The following ST6GALNAC5 variants were observed in gnomAD, a reference collection of about 807,000 sequenced individuals.
ST6GALNAC5 encodes the protein alpha-N-acetylgalactosaminide alpha-2,6-sialyltransferase 5.
In ST6GALNAC5, 27 loss-of-function variants were observed where a neutral mutation model predicts 33.6. The observed-to-expected ratio is 0.80, with a 90% CI of 0.59 to 1.11. The LOEUF is 1.11. ST6GALNAC5 is among the 50% of genes least tolerant of loss of function. The pLI, the probability that ST6GALNAC5 is intolerant of heterozygous loss-of-function variation, is 0.00. For missense variants in ST6GALNAC5, 428 were observed against 454.0 expected (o/e 0.94, Z 0.52); for synonymous variants, 194 against 171.2 (o/e 1.13, Z -1.04).
intron 3 of ST6GALNAC5, among the ~76,000 whole-genome samples, chr1:77,046,577 A>C (rs895926048): frequency 6.6e-6 from 1 of 152,186 alleles, no homozygotes; most frequent in East Asian, 1.9e-4. Context: ...GATTCTGATC[A>C]TCATCTCCAG....
intron 2 of ST6GALNAC5, among the ~76,000 whole-genome samples, chr1:76,967,561 G>C (rs1648549569): frequency 6.6e-6 from 1 of 151,970 alleles, no homozygotes; most frequent in South Asian, 2.1e-4. Flanking sequence ...TTTTTTGAAG[G>C]GTTTTTTGTG....
intron 2 of ST6GALNAC5, among the ~76,000 whole-genome samples, chr1:76,943,336 C>T (rs1320075379): frequency 1.3e-5 from 2 of 152,130 alleles, no homozygotes; most frequent in Non-Finnish European, 2.9e-5. Context: ...AGACTGCCAT[C>T]ACAGAATCAG....
At chr1:76,958,985 G>T (rs756021710) in intron 2 of ST6GALNAC5, among the ~76,000 whole-genome samples, 6 of 152,062 alleles carry the variant, frequency 3.9e-5, no homozygotes, top group Non-Finnish European at 8.8e-5. Context: ...CACTTGCTAG[G>T]CCTCACTGCC....
At position 76,868,614 on chromosome 1, in the gene ST6GALNAC5, C is replaced by G. The variant is rs555949467; in HGVS notation, c.133C>G (p.Gln45Glu). The G allele has an allele frequency of 3.2e-4, 516 of 1,611,646 alleles. 5 individuals are homozygous for G. The South Asian group carries it at 5.5e-3, about 17-fold the overall frequency. The change falls in exon 2 of 5, where the codon CAA becomes GAA. Residue 45 changes from glutamine (Q) to glutamate (E), a missense_variant. By Grantham distance (29) the Gln-to-Glu change is conservative. Coordinates refer to ENST00000477717, the MANE Select transcript of ST6GALNAC5 (RefSeq NM_030965.3). This position sits in a 1 kb window ranked among gnomAD's most constrained non-coding sequence, Gnocchi z 4.3. ...CCCGCAGCAGCAGCAGCAGCAGCAG[C>G]AACAGCAGCAGCAGGCGTCGGCCAC... ...RPPQQQQQQQQQQQQASATGS... is the reference protein window; with the variant it reads ...RPPQQQQQQQEQQQQASATGS...
chr1:77,013,249 C>T (rs1467909943), intron 2 of ST6GALNAC5, among the ~76,000 whole-genome samples: 1 of 151,966 alleles, frequency 6.6e-6, no homozygotes, highest in African/African-American at 2.4e-5. Context: ...AATATGAAGT[C>T]AGACTCTGTT....
At chr1:76,920,919 C>T (rs1647028676) in intron 2 of ST6GALNAC5, among the ~76,000 whole-genome samples, 1 of 152,042 alleles carries the variant, frequency 6.6e-6, no homozygotes, top group Non-Finnish European at 1.5e-5. Flanking sequence ...TAGTGTAAAC[C>T]ATCATTTAGT....
chr1:76,992,816 A>T (rs1479938193), intron 2 of ST6GALNAC5, among the ~76,000 whole-genome samples: 1 of 152,032 alleles, frequency 6.6e-6, no homozygotes, highest in Non-Finnish European at 1.5e-5. Context: ...AAAACTCACT[A>T]CTTCTGCCTT....
intron 2 of ST6GALNAC5, among the ~76,000 whole-genome samples, chr1:76,923,387 G>A (rs977392327): frequency 3.9e-5 from 6 of 152,040 alleles, no homozygotes; most frequent in African/African-American, 1.2e-4. Flanking sequence ...TTGTCAACTG[G>A]AGATGAGTAA....
Position 76,977,488 on chromosome 1 carries a change from C to T in ST6GALNAC5, c.262-66716C>T, listed in dbSNP as rs545734783. Reference sequence around the variant, plus strand: ...CGTGCTATCCCCTACACCTACCTTCCCCAGCCTCTGATAACCTCTACTCTC... The same window carrying T: ...CGTGCTATCCCCTACACCTACCTTCTCCAGCCTCTGATAACCTCTACTCTC... On this transcript the variant is annotated intron_variant, in intron 2 of 4. Transcript: ENST00000477717. 5.5e-4 allele frequency among the ~76,000 whole-genome samples: 83 copies of T among 152,230 alleles called. 1 individual carries two copies. The highest frequency in any genetic ancestry group is 1.0e-3 in the Non-Finnish European group (69 of 67,994).
At chr1:76,884,146 G>T (rs1653843093) in intron 2 of ST6GALNAC5, among the ~76,000 whole-genome samples, 2 of 152,252 alleles carry the variant, frequency 1.3e-5, no homozygotes, top group African/African-American at 2.4e-5. Flanking sequence ...ATGATGAAGA[G>T]ACCTCAGGTT....
intron 2 of ST6GALNAC5, among the ~76,000 whole-genome samples, chr1:76,961,040 C>T (rs1397791804): frequency 6.6e-6 from 1 of 152,098 alleles, no homozygotes; most frequent in Non-Finnish European, 1.5e-5. Context: ...TGATAAGTGT[C>T]CATGAAATCT....
At chr1:77,031,069 A>G (rs1570116316) in intron 2 of ST6GALNAC5, among the ~76,000 whole-genome samples, 1 of 152,230 alleles carries the variant, frequency 6.6e-6, no homozygotes, top group East Asian at 1.9e-4. Context: ...CTACAGAGTA[A>G]ACCATTCTGT....
intron 2 of ST6GALNAC5, among the ~76,000 whole-genome samples, chr1:77,008,741 G>T (rs1022572992): frequency 1.3e-4 from 20 of 152,260 alleles, no homozygotes; most frequent in Non-Finnish European, 1.5e-5. Flanking sequence ...TGTTGGTCAG[G>T]CTGGTCTTGA....
rs1653373097 is a variant in ST6GALNAC5, at chr1:76,867,703, T to C, written c.15+13T>C. The C allele has an allele frequency of 6.2e-7, 1 of 1,613,938 alleles. No homozygotes were observed. The highest frequency in any genetic ancestry group is 1.7e-5 in the Admixed American group (1 of 60,000). ...GAAGACCCTGATGGTGAGTCAGTTG[T>C]GGCAACTCCACCGGGCAAAGAGGGG... is the stretch of plus-strand genomic sequence containing the variant. On this transcript the variant is annotated intron_variant, in intron 1 of 4. Transcript: ENST00000477717.
At chr1:77,025,537 C>A (rs1011255930) in intron 2 of ST6GALNAC5, among the ~76,000 whole-genome samples, 2 of 150,116 alleles carry the variant, frequency 1.3e-5, no homozygotes, top group African/African-American at 5.0e-5. Context: ...AAAAATGGAT[C>A]ATAGAGTAGA....
intron 1 of ST6GALNAC5, 132 bp downstream of exon 1, chr1:76,867,822 T>C (rs2100904459): frequency 7.7e-7 from 1 of 1,291,964 alleles, no homozygotes; most frequent in South Asian, 1.3e-5. Flanking sequence ...GGGACAACTT[T>C]CTACCCGCTC....
intron 2 of ST6GALNAC5, among the ~76,000 whole-genome samples, chr1:76,979,977 A>G (rs766212720): frequency 2.6e-5 from 4 of 152,160 alleles, no homozygotes; most frequent in East Asian, 1.9e-4. Flanking sequence ...CAAAACTATG[A>G]AACTACTAGA....
intron 2 of ST6GALNAC5, among the ~76,000 whole-genome samples, chr1:76,877,522 G>A (rs1330330216): frequency 6.6e-5 from 10 of 152,162 alleles, no homozygotes; most frequent in Non-Finnish European, 1.5e-4. Flanking sequence ...CCCAAATGCA[G>A]CAACTCATCC....
intron 2 of ST6GALNAC5, among the ~76,000 whole-genome samples, chr1:76,915,658 A>G (rs902188823): frequency 8.3e-5 from 12 of 144,728 alleles, no homozygotes; most frequent in South Asian, 4.8e-4. Flanking sequence ...ACACATGGAC[A>G]CAGGAAGGGG....
Sources: allele counts gnomAD v4.1 joint callset (sites outside exome capture counted in the v4.1 genomes callset), GRCh38; gene constraint gnomAD v4.1.1; non-coding constraint Gnocchi (gnomAD v3.1); transcripts MANE v1.5; gene names NCBI Gene and HGNC (gene_info 2026-07-23, HGNC 2026-07-21).